Variants in SOCS2 observed in about 807,000 individuals in gnomAD.
SOCS2 encodes the protein suppressor of cytokine signaling 2.
In SOCS2, 10 loss-of-function variants were observed where a neutral mutation model predicts 18.6. The ratio of observed to expected loss-of-function variants is 0.54; its 90% CI spans 0.33 to 0.91. SOCS2 has a LOEUF of 0.91. Ranked by LOEUF, SOCS2 falls within the 40% of genes least tolerant of loss-of-function variation. The pLI, the probability that SOCS2 is intolerant of heterozygous loss-of-function variation, is 0.02. For missense variants in SOCS2, 231 were observed against 247.2 expected (o/e 0.93, Z 0.44); for synonymous variants, 104 against 104.0 (o/e 1.00, Z 0.00).
Position 93,572,746 on chromosome 12 carries a change from G to A in SOCS2, c.-152G>A. On this transcript the variant is annotated 5_prime_UTR_variant, in exon 1 of 2. Coordinates refer to ENST00000551556, the MANE Select transcript of SOCS2 (RefSeq NM_001270471.2). The surrounding 1 kb of genome is among the most constrained non-coding windows in gnomAD (Gnocchi z 5.0). ...TCATCCGTCCTCCAGGATCTGGGGA[G>A]AAAGAGCCCCATCCCTTCTCTCTCT... 1.0e-6 allele frequency: 1 copy of A among 984,210 alleles called. No homozygotes were observed. Among genetic ancestry groups the A allele is most frequent in the East Asian group, 2.6e-5 (1 of 38,502 alleles). The allele number at this position is 984,210 out of a possible 1,614,324, so 61.0% of individuals were successfully genotyped here. A position where few individuals can be genotyped will look rare whatever the true frequency, so the allele number is the denominator to read the frequency against.
At chr12:93,605,497 T>C in the SOCS2 span, among the ~76,000 whole-genome samples, 2 of 152,176 alleles carry the variant, frequency 1.3e-5, no homozygotes, top group Admixed American at 6.6e-5. Context: ...ATGGGAAATG[T>C]TAATAGTTGT....
chr12:93,616,130 TGAGAACTA>T, the SOCS2 span, among the ~76,000 whole-genome samples: 1 of 152,196 alleles, frequency 6.6e-6, no homozygotes, highest in African/African-American at 2.4e-5. Flanking sequence ...AGGATGAGCA[TGAGAACTA>T]GGCCTCTTCA....
chr12:93,604,654 G>C, the SOCS2 span, among the ~76,000 whole-genome samples: 13 of 151,870 alleles, frequency 8.6e-5, no homozygotes, highest in African/African-American at 3.1e-4. Context: ...CTTTTTCTTT[G>C]CTTTTATTTA....
intron 1 of SOCS2, among the ~76,000 whole-genome samples, chr12:93,582,148 G>T (rs543281946): frequency 7.2e-5 from 11 of 152,316 alleles, no homozygotes; most frequent in Admixed American, 6.5e-4. Flanking sequence ...CCAGAGGAAG[G>T]TATCTTGTGT....
chr12:93,614,358 TTTCC>T, the SOCS2 span, among the ~76,000 whole-genome samples: 4,118 of 119,848 alleles, frequency 0.034, 539 homozygotes, highest in African/African-American at 0.13. Context: ...ATATAGCAAT[TTTCC>T]TTCTTTCTTT....
chr12:93,582,893 C>CA (rs1393397889), intron 1 of SOCS2: 3 of 151,982 alleles, frequency 2.0e-5, no homozygotes, highest in Non-Finnish European at 4.4e-5. Context: ...CTCCACCTAT[C>CA]AGTGGAGTCT....
At position 93,573,042 on chromosome 12, in the gene SOCS2, G is replaced by A. The variant is rs1473308179; in HGVS notation, c.139+6G>A. On this transcript the variant is annotated splice_donor_region_variant and intron_variant, in intron 1 of 1. Transcript: ENST00000551556. Reference sequence around the variant, plus strand: ...GCGGGAGCTCGGTCAGACAGGTAGGGAGCCGATCGGCCGCGACGCGTGCGG... The same window carrying A: ...GCGGGAGCTCGGTCAGACAGGTAGGAAGCCGATCGGCCGCGACGCGTGCGG... The A allele has an allele frequency of 7.7e-6, 12 of 1,560,962 alleles. No individual in the cohort carries two copies. The highest frequency in any genetic ancestry group is 1.0e-5 in the Non-Finnish European group (12 of 1,158,490).
At chr12:93,612,408 A>G in the SOCS2 span, among the ~76,000 whole-genome samples, 1 of 151,206 alleles carries the variant, frequency 6.6e-6, no homozygotes, top group African/African-American at 2.4e-5. Context: ...CCTCCTCTAC[A>G]CTGAGGACAA....
chr12:93,581,393 G>A (rs535980167), downstream of SOCS2, among the ~76,000 whole-genome samples: 12 of 152,162 alleles, frequency 7.9e-5, no homozygotes, highest in African/African-American at 2.9e-4. Flanking sequence ...AGCAGAATAG[G>A]AGTGAACAAT....
downstream of SOCS2, among the ~76,000 whole-genome samples, chr12:93,580,618 CAAAAAAAAA>C (rs35305411): frequency 1.0e-3 from 73 of 73,136 alleles, no homozygotes; most frequent in Middle Eastern, 0.016. Flanking sequence ...GAGACTGTCT[CAAAAAAAAA>C]AAAAAAAAAA....
At chr12:93,614,448 T>C in the SOCS2 span, among the ~76,000 whole-genome samples, 1 of 76,826 alleles carries the variant, frequency 1.3e-5, no homozygotes, top group South Asian at 4.5e-4. Flanking sequence ...CCTTCCTTCC[T>C]TCCTTCCTTC....
chr12:93,579,252 A>C (rs968850810), downstream of SOCS2, among the ~76,000 whole-genome samples: 5 of 152,168 alleles, frequency 3.3e-5, no homozygotes, highest in African/African-American at 1.2e-4. Flanking sequence ...CCTATCATAA[A>C]GTTGCCCTCT....
the SOCS2 span, among the ~76,000 whole-genome samples, chr12:93,605,281 T>C: frequency 6.6e-6 from 1 of 152,150 alleles, no homozygotes; most frequent in African/African-American, 2.4e-5. Flanking sequence ...ACTATATAAC[T>C]AACGTATATA....
chr12:93,618,966 G>C, the SOCS2 span, among the ~76,000 whole-genome samples: 1 of 152,146 alleles, frequency 6.6e-6, no homozygotes, highest in African/African-American at 2.4e-5. Context: ...GCACACACCA[G>C]CACACCCAGT....
At chr12:93,597,886 C>A in the SOCS2 span, among the ~76,000 whole-genome samples, 1 of 152,154 alleles carries the variant, frequency 6.6e-6, no homozygotes, top group Admixed American at 6.5e-5. Context: ...TGTTTCACTG[C>A]ATAACTAGGT....
In SOCS2 at chr12:93,576,355, C is replaced by T. The variant is rs1342337309; in HGVS notation, c.*1176C>T. On this transcript the variant is annotated 3_prime_UTR_variant, in exon 2 of 2. Transcript: ENST00000551556. ...TAAAGTTATGGGCTGTACCTGCCCC[C>T]TTTGCAATTTGGAAAGCATGGTTTA... 1 of 152,358 alleles carries T rather than the reference C, an allele frequency of 6.6e-6. No homozygotes were observed. The highest frequency in any genetic ancestry group is 1.9e-4 in the East Asian group (1 of 5,204). 9.4% of individuals were successfully genotyped at this position (152,358 alleles called of 1,614,324 possible).
chr12:93,591,694 C>T, the SOCS2 span, among the ~76,000 whole-genome samples: 1 of 152,176 alleles, frequency 6.6e-6, no homozygotes, highest in Admixed American at 6.5e-5. Flanking sequence ...CCGCTCGGGT[C>T]TCCCAGGACC....
the SOCS2 span, among the ~76,000 whole-genome samples, chr12:93,603,342 A>G: frequency 6.6e-6 from 1 of 151,912 alleles, no homozygotes; most frequent in Non-Finnish European, 1.5e-5. Flanking sequence ...TATTATCCCT[A>G]TTTTTTTAGG....
At chr12:93,573,128 A>G (rs778175928) in intron 1 of SOCS2, 92 bp downstream of exon 1, 21 of 1,477,066 alleles carry the variant, frequency 1.4e-5, no homozygotes, top group Non-Finnish European at 1.9e-5. Flanking sequence ...AGCAAAGAAT[A>G]AGATGGAAAT....
Sources: gnomAD v4.1 joint callset for allele counts (sites outside exome capture counted in the v4.1 genomes callset) on GRCh38, gnomAD v4.1.1 for gene constraint, Gnocchi (gnomAD v3.1) non-coding constraint, MANE v1.5 for transcripts, NCBI Gene and HGNC (gene_info 2026-07-23, HGNC 2026-07-21) for gene names.